CEP85L: variants seen among roughly 807,000 people sequenced by gnomAD.
The protein encoded by CEP85L is centrosomal protein 85L.
CEP85L carries 60 observed loss-of-function variants against 100.3 expected under a neutral mutation model. That is an observed-to-expected ratio of 0.60 (90% CI 0.49 to 0.74). The LOEUF (loss-of-function observed/expected upper bound fraction) is 0.74. CEP85L is among the 30% of genes least tolerant of loss of function. The pLI is 0.00. For missense variants in CEP85L, 973 were observed against 936.2 expected, an observed-to-expected ratio of 1.04 and a Z score of -0.51; for synonymous variants, 319 against 322.7, an observed-to-expected ratio of 0.99 and a Z score of 0.12.
At chr6:118,688,887 T>C (rs2114299559) in intron 1 of CEP85L, among the ~76,000 whole-genome samples, 1 of 152,348 alleles carries the variant, frequency 6.6e-6, no homozygotes, top group African/African-American at 2.4e-5. Flanking sequence ...ATTGGGCATG[T>C]GTGTGGACCA....
chr6:118,669,869 T>C (rs1227985030), intron 1 of CEP85L, among the ~76,000 whole-genome samples: 1 of 151,038 alleles, frequency 6.6e-6, no homozygotes, highest in Non-Finnish European at 1.5e-5. Context: ...GAGCGCTGAA[T>C]TGACTGTGTG....
chr6:118,617,493 TCA>T (rs2115260618), intron 2 of CEP85L, among the ~76,000 whole-genome samples: 1 of 152,318 alleles, frequency 6.6e-6, no homozygotes, highest in African/African-American at 2.4e-5. Flanking sequence ...AGTCGCAATT[TCA>T]GTTTTTCTCA....
chr6:118,479,393 G>A (rs149052245), intron 10 of CEP85L, among the ~76,000 whole-genome samples: 169 of 152,152 alleles, frequency 1.1e-3, no homozygotes, highest in African/African-American at 3.9e-3. Flanking sequence ...GCTGTTCTTA[G>A]AGCATGCCAG....
intron 3 of CEP85L, chr6:118,565,000 T>C (rs9489443): frequency 1.3e-5 from 2 of 148,898 alleles, no homozygotes; most frequent in Non-Finnish European, 3.0e-5. Context: ...TAATTTTTTT[T>C]AAAAAAAAGT....
chr6:118,645,281 C>T (rs1775107793), intron 1 of CEP85L, among the ~76,000 whole-genome samples: 1 of 152,194 alleles, frequency 6.6e-6, no homozygotes, highest in Admixed American at 6.5e-5. Context: ...GAGCTCTGCC[C>T]ATCCTCTGCC....
rs71012391 is a variant in CEP85L at position 118,542,900 on chromosome 6, C to CAAAAAAAAAAAAAAAAA, written c.1021-18997_1021-18981dup. ...GAACTTCAACATCACCAAGTTTTCC[C>CAAAAAAAAAAAAAAAAA]AAAAAAAAAAAAAAAAAAAAAAACA... On this transcript the variant is annotated intron_variant, in intron 3 of 12. Coordinates refer to ENST00000368491, the MANE Select transcript of CEP85L (RefSeq NM_001042475.3). Among the ~76,000 whole-genome samples, 410 of 67,100 alleles carry CAAAAAAAAAAAAAAAAA rather than the reference C, an allele frequency of 6.1e-3. 42 individuals are homozygous for CAAAAAAAAAAAAAAAAA. Among genetic ancestry groups the CAAAAAAAAAAAAAAAAA allele is most frequent in the Non-Finnish European group, 9.4e-3 (324 of 34,518 alleles). The allele number at this position is 67,100 out of a possible 152,430, so 44.0% of individuals were successfully genotyped here. A position where few individuals can be genotyped will look rare whatever the true frequency, so the allele number is the denominator to read the frequency against.
intron 1 of CEP85L, among the ~76,000 whole-genome samples, chr6:118,639,977 A>G (rs1774757218): frequency 6.6e-6 from 1 of 152,222 alleles, no homozygotes; most frequent in Non-Finnish European, 1.5e-5. Flanking sequence ...CTATTTAGAG[A>G]TCAGTAAATA....
intron 1 of CEP85L, among the ~76,000 whole-genome samples, chr6:118,691,533 C>CAAAAAAA (rs372306868): frequency 6.8e-5 from 6 of 88,682 alleles, no homozygotes; most frequent in African/African-American, 2.8e-4. Flanking sequence ...AACTCCATCT[C>CAAAAAAA]AAAAAAAAAA....
intron 2 of CEP85L, among the ~76,000 whole-genome samples, chr6:118,597,848 A>T (rs1211386239): frequency 6.6e-6 from 1 of 152,188 alleles, no homozygotes; most frequent in Non-Finnish European, 1.5e-5. Flanking sequence ...CTAGTCTGAG[A>T]ACAGGAGAGA....
At chr6:118,653,692 C>A (rs1775673580), upstream of CEP85L, among the ~76,000 whole-genome samples, 1 of 108,518 alleles carries the variant, frequency 9.2e-6, no homozygotes, top group South Asian at 3.1e-4. Context: ...CTCAATAAAC[C>A]TCAATCTTGG....
At chr6:118,684,226 G>A (rs1481709917) in intron 1 of CEP85L, among the ~76,000 whole-genome samples, 2 of 152,100 alleles carry the variant, frequency 1.3e-5, no homozygotes, top group Non-Finnish European at 2.9e-5. Flanking sequence ...ACCCCCCTAC[G>A]TTTACATGGC....
At chr6:118,583,704 G>C (rs936302349) in intron 2 of CEP85L, among the ~76,000 whole-genome samples, 1 of 152,156 alleles carries the variant, frequency 6.6e-6, no homozygotes, top group African/African-American at 2.4e-5. Flanking sequence ...GGCTAGGAAA[G>C]GGCTAGAAGC....
At chr6:118,706,996 A>T (rs1294948760) in intron 1 of CEP85L, among the ~76,000 whole-genome samples, 1 of 151,858 alleles carries the variant, frequency 6.6e-6, no homozygotes, top group Non-Finnish European at 1.5e-5. Context: ...CTTGCCCCTC[A>T]TTGGCCTGGC....
chr6:118,682,439 T>C (rs1776695444), intron 1 of CEP85L, among the ~76,000 whole-genome samples: 1 of 152,102 alleles, frequency 6.6e-6, no homozygotes, highest in African/African-American at 2.4e-5. Flanking sequence ...TGGTACTTTA[T>C]TTAAGTACCC....
chr6:118,586,499 G>A (rs988595240), intron 2 of CEP85L, among the ~76,000 whole-genome samples: 1 of 151,966 alleles, frequency 6.6e-6, no homozygotes, highest in Admixed American at 6.6e-5. Flanking sequence ...CCCAACCTAG[G>A]AAGGGCCTCA....
chr6:118,558,658 CACAGAGAGAG>C (rs1364099498), intron 3 of CEP85L, among the ~76,000 whole-genome samples: 10 of 124,910 alleles, frequency 8.0e-5, no homozygotes, highest in African/African-American at 6.7e-5. Flanking sequence ...CACACACACA[CACAGAGAGAG>C]AGAGAGAGAG....
At chr6:118,469,694 C>T (rs1047243661) in intron 11 of CEP85L, among the ~76,000 whole-genome samples, 26 of 152,072 alleles carry the variant, frequency 1.7e-4, no homozygotes, top group African/African-American at 5.3e-4. Flanking sequence ...TTGACCTCCT[C>T]GGGCTCTGGT....
chr6:118,551,260 T>G (rs1333316538), intron 3 of CEP85L, among the ~76,000 whole-genome samples: 1 of 151,848 alleles, frequency 6.6e-6, no homozygotes, highest in African/African-American at 2.4e-5. Context: ...AGCATACTCA[T>G]AGTCAACTGA....
At chr6:118,469,023 G>A in intron 12 of CEP85L, 49 bp downstream of exon 12, 3 of 1,269,342 alleles carry the variant, frequency 2.4e-6, no homozygotes, top group Non-Finnish European at 3.4e-6. Context: ...GATTCATGAA[G>A]ATAGGTTTCT....
Sources: allele counts gnomAD v4.1 joint callset (sites outside exome capture counted in the v4.1 genomes callset), GRCh38; gene constraint gnomAD v4.1.1; transcripts MANE v1.5; gene names NCBI Gene and HGNC (gene_info 2026-07-23, HGNC 2026-07-21).